Variants in RBM25 observed in about 807,000 individuals in gnomAD.
The protein encoded by RBM25 is RNA binding motif protein 25, also known as RNA-binding protein 25.
In RBM25, 19 loss-of-function variants were observed where a neutral mutation model predicts 120.7. The ratio of observed to expected loss-of-function variants is 0.16; its 90% confidence interval spans 0.11 to 0.23. The LOEUF is 0.23. Ranked by LOEUF, RBM25 falls within the 10% of genes least tolerant of loss-of-function variation. The probability of loss-of-function intolerance (pLI) is 1.00; values close to 1 mark genes in which losing one functional copy is unlikely to be tolerated. For synonymous variants in RBM25, 390 were observed against 326.7 expected (o/e 1.19, Z -2.09); for missense variants, 605 against 1,041.5 (o/e 0.58, Z 5.77).
In RBM25 at chr14:73,087,941, T is replaced by G. The variant is rs377176339; in HGVS notation, c.383-60T>G. ...GGACTCTAGTGATTCTACTTTTCCA[T>G]AATTTTTTTTCTTTTGTAAGTGAAT... is the stretch of plus-strand genomic sequence containing the variant. On this transcript the variant is annotated intron_variant, in intron 5 of 18. Transcript: ENST00000261973. The G allele has an allele frequency of 8.4e-6, 13 of 1,539,610 alleles. No individual in the cohort carries two copies. The South Asian group carries it at 9.8e-5, about 12-fold the overall frequency.
chr14:73,114,416 C>A, intron 18 of RBM25, 83 bp downstream of exon 18: 2 of 984,520 alleles, frequency 2.0e-6, no homozygotes, highest in Admixed American at 2.3e-5. Flanking sequence ...TAGATGGGGT[C>A]TCACCACGTT....
At chr14:73,111,244 G>A (rs1397982775) in intron 15 of RBM25, 89 bp downstream of exon 15, 4 of 1,162,054 alleles carry the variant, frequency 3.4e-6, no homozygotes, top group Non-Finnish European at 4.8e-6. Context: ...ATTTATATTT[G>A]TGCTTGGTTA....
At chr14:73,094,888 G>A (rs188901547) in intron 6 of RBM25, among the ~76,000 whole-genome samples, 180 of 150,264 alleles carry the variant, frequency 1.2e-3, no homozygotes, top group South Asian at 9.9e-3. Flanking sequence ...ACAGAGTCTC[G>A]CTCTGTCTCC....
At chr14:73,094,651 T>A (rs916451097) in intron 6 of RBM25, among the ~76,000 whole-genome samples, 2 of 152,150 alleles carry the variant, frequency 1.3e-5, no homozygotes, top group Non-Finnish European at 2.9e-5. Context: ...CAGGATGGTC[T>A]CCATCTCCTG....
intron 7 of RBM25, among the ~76,000 whole-genome samples, chr14:73,098,366 A>G (rs1895992464): frequency 1.3e-5 from 2 of 152,118 alleles, no homozygotes; most frequent in Admixed American, 6.6e-5. Flanking sequence ...CTGAGCTCAA[A>G]TGATCTGCCT....
Position 73,109,357 on chromosome 14 carries a change from G to A in RBM25, c.1557G>A (p.Gln519=). The change falls in exon 14 of 19, where the codon CAG becomes CAA. Residue 519 remains glutamine, a synonymous_variant. Coordinates refer to ENST00000261973, the MANE Select transcript of RBM25 (RefSeq NM_021239.3). ...ACTTTTACAGAGGAAGTGCTCTTCA[G>A]AAAAGGTTGCGTGATAGAGAAAAGG... is the stretch of plus-strand genomic sequence containing the variant. ...DPKYYRGSAL[Q]KRLRDREKEM... is the part of the protein sequence containing the mutation. 7 of 1,613,790 alleles carry A rather than the reference G, an allele frequency of 4.3e-6. No individual in the cohort carries two copies. Among genetic ancestry groups the A allele is most frequent in the African/African-American group, 2.7e-5 (2 of 75,036 alleles).
chr14:73,066,237 A>G (rs1331818054), intron 1 of RBM25, among the ~76,000 whole-genome samples: 1 of 152,208 alleles, frequency 6.6e-6, no homozygotes, highest in Non-Finnish European at 1.5e-5. Context: ...TTTAAAACTC[A>G]ACACATTTAC....
At chr14:73,074,472 C>T (rs1343849292) in intron 2 of RBM25, among the ~76,000 whole-genome samples, 1 of 152,042 alleles carries the variant, frequency 6.6e-6, no homozygotes, top group African/African-American at 2.4e-5. Flanking sequence ...GTGGCTCATA[C>T]CTGTAATCCC....
At chr14:73,064,450 A>G (rs1243754379) in intron 1 of RBM25, among the ~76,000 whole-genome samples, 1 of 151,386 alleles carries the variant, frequency 6.6e-6, no homozygotes, top group Non-Finnish European at 1.5e-5. Context: ...GTTGGAGTGC[A>G]GTGGCGCGGT....
In RBM25 at chr14:73,112,629, G is replaced by C. The variant is rs139000637; in HGVS notation, c.2391+379G>C. Among the ~76,000 whole-genome samples the C allele has an allele frequency of 2.2e-3, 328 of 152,060 alleles. 1 individual carries two copies. The highest frequency in any genetic ancestry group is 7.7e-3 in the African/African-American group (319 of 41,462). ...GGAATAATTATGTTGAGATTTTTTGGACGTAGCCAATATCTTTTCCCAACT... is the reference window on the plus strand; with the variant it reads ...GGAATAATTATGTTGAGATTTTTTGCACGTAGCCAATATCTTTTCCCAACT... On this transcript the variant is annotated intron_variant, in intron 17 of 18. Coordinates refer to ENST00000261973, the MANE Select transcript of RBM25 (RefSeq NM_021239.3).
intron 18 of RBM25, among the ~76,000 whole-genome samples, chr14:73,119,179 C>T (rs896319049): frequency 2.0e-5 from 3 of 152,168 alleles, no homozygotes; most frequent in Non-Finnish European, 4.4e-5. Flanking sequence ...TTATAAAGAA[C>T]GTAGTAATTT....
chr14:73,064,893 A>G (rs1296739669), intron 1 of RBM25: 2 of 151,374 alleles, frequency 1.3e-5, no homozygotes, highest in Admixed American at 6.6e-5. Context: ...AACTCTGCAG[A>G]ATGAATTACA....
In RBM25 at chr14:73,123,427, T is replaced by A. The variant is rs1896568782; in HGVS notation, c.*3622T>A. ...GTTTTATGTCAAATTGATTACAAAC[T>A]TCTCTGGGTTGTATTTCAGTCTTCT... On this transcript the variant is annotated 3_prime_UTR_variant, in exon 19 of 19. Coordinates refer to ENST00000261973, the MANE Select transcript of RBM25 (RefSeq NM_021239.3). The A allele has an allele frequency of 6.6e-6, 1 of 152,170 alleles. No individual in the cohort carries two copies. Among genetic ancestry groups the A allele is most frequent in the Admixed American group, 6.5e-5 (1 of 15,276 alleles). The allele number at this position is 152,170 out of a possible 1,614,324, so 9.4% of individuals were successfully genotyped here.
chr14:73,111,340 T>C, intron 15 of RBM25, 185 bp downstream of exon 15: 1 of 846,846 alleles, frequency 1.2e-6, no homozygotes, highest in Admixed American at 3.1e-5. Context: ...TGCAGCTGCC[T>C]CGAGTTCTGA....
Position 73,065,152 on chromosome 14 carries a change from CAG to C in RBM25, c.-16+6450_-16+6451del, listed in dbSNP as rs542194638. On this transcript the variant is annotated intron_variant, in intron 1 of 18. Coordinates refer to ENST00000261973, the MANE Select transcript of RBM25 (RefSeq NM_021239.3). Reference sequence around the variant, plus strand: ...TTTGTTTGTTTGTTTTCTTTTGAGACAGAGTCTCACTGTGTCACCCAGGCTAG... The same window carrying C: ...TTTGTTTGTTTGTTTTCTTTTGAGACAGTCTCACTGTGTCACCCAGGCTAG... The C allele has an allele frequency of 6.3e-3, 959 of 151,172 alleles. 42 individuals carry two copies. Among genetic ancestry groups the C allele is most frequent in the Non-Finnish European group, 0.01 (706 of 67,488 alleles). The allele number at this position is 151,172 out of a possible 1,614,324, so 9.4% of individuals were successfully genotyped here.
intron 1 of RBM25, among the ~76,000 whole-genome samples, chr14:73,069,313 A>G (rs186383770): frequency 6.6e-6 from 1 of 152,368 alleles, no homozygotes; most frequent in Admixed American, 6.5e-5. Context: ...TCATAGAATG[A>G]TATTAAGAAG....
In RBM25 at chr14:73,058,638, C is replaced by T. The variant is rs1894919169; in HGVS notation, c.-83C>T. On this transcript the variant is annotated 5_prime_UTR_variant, in exon 1 of 19. Transcript: ENST00000261973. ...GCGAGCGACGGGCAGAAATCTCGAA[C>T]CAGTGGAGCGCACTCGTAACCTGGA... 1 of 152,168 alleles carries T rather than the reference C, an allele frequency of 6.6e-6. No homozygotes were observed. The highest frequency in any genetic ancestry group is 1.5e-5 in the Non-Finnish European group (1 of 68,076). The allele number at this position is 152,168 out of a possible 1,614,324, so 9.4% of individuals were successfully genotyped here.
chr14:73,071,842 T>G (rs1895300851), intron 2 of RBM25, 95 bp downstream of exon 2: 3 of 951,684 alleles, frequency 3.2e-6, no homozygotes, highest in Non-Finnish European at 5.0e-6. Context: ...ACTGTGTTAG[T>G]GAAGATGCCT....
At chr14:73,094,256 G>GT (rs1443169484) in intron 6 of RBM25, among the ~76,000 whole-genome samples, 10 of 151,356 alleles carry the variant, frequency 6.6e-5, no homozygotes, top group Non-Finnish European at 1.3e-4. Context: ...TCCGGCCTAG[G>GT]TTTTTTGTTG....
Sources: gnomAD v4.1 joint callset for allele counts (sites outside exome capture counted in the v4.1 genomes callset) on GRCh38, gnomAD v4.1.1 for gene constraint, MANE v1.5 for transcripts, NCBI Gene and HGNC (gene_info 2026-07-23, HGNC 2026-07-21) for gene names.